HOOK2: variants seen among roughly 807,000 people sequenced by gnomAD.
HOOK2 encodes protein Hook homolog 2.
In HOOK2, 108 loss-of-function variants were observed where a neutral mutation model predicts 111.9. That is an observed-to-expected ratio of 0.96 (90% CI 0.83 to 1.13). The LOEUF (loss-of-function observed/expected upper bound fraction) is 1.13, where lower values mean the gene tolerates loss of function less well. HOOK2 is among the 50% of genes most tolerant of loss of function. The probability of loss-of-function intolerance (pLI) is 0.00; values close to 1 mark genes in which losing one functional copy is unlikely to be tolerated. For missense variants in HOOK2, 978 were observed against 951.3 expected (o/e 1.03, Z -0.37); for synonymous variants, 405 against 394.3 (o/e 1.03, Z -0.32).
chr19:12,769,814 G>A (rs1486956379), intron 11 of HOOK2, 67 bp downstream of exon 11: 11 of 1,288,606 alleles, frequency 8.5e-6, no homozygotes, highest in East Asian at 3.2e-5. Flanking sequence ...TGGGCGGAGG[G>A]CTGGCCAACG....
In HOOK2 at chr19:12,791,821, C is replaced by G. The variant is rs1232120106; in HGVS notation, n.42-17596G>C. 1 of 1,613,542 alleles carries G rather than the reference C, an allele frequency of 6.2e-7. No homozygotes were observed. The highest frequency in any genetic ancestry group is 1.3e-5 in the African/African-American group (1 of 74,920). The stretch of plus-strand genomic sequence containing the variant: ...TTCTACCACGACGACTCATACACAG[C>G]TACGGGATACGGCCGGGCCCCTGGT... On this transcript the variant is annotated intron_variant and non_coding_transcript_variant, in intron 3 of 3. Transcript: ENST00000589765. This position sits in a 1 kb window ranked among gnomAD's most constrained non-coding sequence, Gnocchi z 7.0.
intron 3 of HOOK2, among the ~76,000 whole-genome samples, chr19:12,784,326 AC>A (rs998568485): frequency 6.6e-6 from 1 of 152,104 alleles, no homozygotes; most frequent in African/African-American, 2.4e-5. Context: ...AGCCAGGGAC[AC>A]ACAGACAGGG....
rs1187684618 is a variant in HOOK2 at position 12,791,198 on chromosome 19, C to T, written n.42-16973G>A. On this transcript the variant is annotated intron_variant and non_coding_transcript_variant, in intron 3 of 3. Coordinates refer to the HOOK2 transcript ENST00000589765. This position sits in a 1 kb window ranked among gnomAD's most constrained non-coding sequence, Gnocchi z 7.0. ...TCCCAGTGGACTCCAGGGAAATCAT[C>T]CTCCTCCCTGAAACCCCTCACTCAT... Among the ~76,000 whole-genome samples the T allele has an allele frequency of 1.3e-5, 2 of 152,188 alleles. No individual in the cohort carries two copies. Among genetic ancestry groups the T allele is most frequent in the Non-Finnish European group, 1.5e-5 (1 of 68,022 alleles).
intron 3 of HOOK2, among the ~76,000 whole-genome samples, chr19:12,785,925 G>A (rs1343584745): frequency 6.6e-6 from 1 of 152,138 alleles, no homozygotes; most frequent in Non-Finnish European, 1.5e-5. Context: ...GCTGGGGTGG[G>A]GGCCTGCTAT....
chr19:12,777,438 C>G (rs1968549099), upstream of HOOK2, among the ~76,000 whole-genome samples: 1 of 152,212 alleles, frequency 6.6e-6, no homozygotes, highest in African/African-American at 2.4e-5. Flanking sequence ...CGTGGTCGCG[C>G]CACTGCACTC....
At chr19:12,770,663 G>A (rs530429591) in intron 10 of HOOK2, among the ~76,000 whole-genome samples, 1 of 135,682 alleles carries the variant, frequency 7.4e-6, no homozygotes, top group African/African-American at 2.7e-5. Flanking sequence ...GTTTTGGGGG[G>A]CCACAGGGAT....
chr19:12,787,975 A>G (rs1428402198), intron 3 of HOOK2, among the ~76,000 whole-genome samples: 3 of 152,150 alleles, frequency 2.0e-5, no homozygotes, highest in East Asian at 3.8e-4. Context: ...GAATCGCTTG[A>G]ACCCAGGAGG....
chr19:12,784,322 G>A lies in HOOK2; in HGVS notation n.42-10097C>T, dbSNP rs374623066. On this transcript the variant is annotated intron_variant and non_coding_transcript_variant, in intron 3 of 3. Transcript: ENST00000589765. ...TGGCCACAGAGAGACTGCCAGCCAG[G>A]GACACACAGACAGGGTCAGACATAC... Among the ~76,000 whole-genome samples, 24 of 152,002 alleles carry A rather than the reference G, an allele frequency of 1.6e-4. No homozygotes were observed. In the East Asian group the frequency reaches 4.1e-3, roughly 26 times the overall value.
upstream of HOOK2, among the ~76,000 whole-genome samples, chr19:12,781,540 A>G (rs187968705): frequency 1.4e-3 from 216 of 151,808 alleles, 1 homozygote; most frequent in Non-Finnish European, 2.2e-3. Context: ...GTTAGCCAGG[A>G]TGGTCTCGAT....
In HOOK2 at chr19:12,786,708, C is replaced by G. The variant is rs2607355; in HGVS notation, n.42-12483G>C. On this transcript the variant is annotated intron_variant and non_coding_transcript_variant, in intron 3 of 3. Transcript: ENST00000589765. The surrounding 1 kb of genome is among the most constrained non-coding windows in gnomAD (Gnocchi z 4.3). ...GACACTGGCAGAGGCCTGGAACCGG[C>G]TGTACCAGCTTGGCTGGGCCCCCGC... Among the ~76,000 whole-genome samples, 1 of 152,222 alleles carries G rather than the reference C, an allele frequency of 6.6e-6. No homozygotes were observed. The highest frequency in any genetic ancestry group is 2.4e-5 in the African/African-American group (1 of 41,464).
rs769579474 is a variant in HOOK2 at position 12,768,079 on chromosome 19, G to C, written c.1149C>G (p.Ala383=). ...QGQRQEEAMK[A]EKWLFECRNL... is the part of the protein sequence containing the mutation. ...TGCGGCATTCAAATAGCCATTTCTC[G>C]GCCTTCATGGCCTCCTCCTGCCGCT... is the stretch of plus-strand genomic sequence containing the variant. Residue 383 remains alanine, a synonymous_variant, in exon 12 of 23, where the codon GCC becomes GCG. Transcript: ENST00000397668. 6.2e-7 allele frequency: 1 copy of C among 1,614,194 alleles called. No homozygotes were observed. The highest frequency in any genetic ancestry group is 8.5e-7 in the Non-Finnish European group (1 of 1,180,044).
At chr19:12,770,821 G>C in intron 10 of HOOK2, 111 bp downstream of exon 10, 1 of 1,347,370 alleles carries the variant, frequency 7.4e-7, no homozygotes, top group Non-Finnish European at 1.0e-6. Flanking sequence ...GCATATTGGG[G>C]GTTCACTGGG....
Position 12,764,904 on chromosome 19 carries a change from G to A in HOOK2, c.1737C>T (p.Ile579=), listed in dbSNP as rs1568359549. The change falls in exon 20 of 23, where the codon ATC becomes ATT. Residue 579 remains isoleucine (I), a synonymous_variant. Transcript: ENST00000397668. ...PPTDSSTARR[I]EELQHNLQKK... is the part of the protein sequence containing the mutation. ...TCTGCAAGTTATGCTGCAGCTCCTC[G>A]ATCCGCCGGGCTGCTGGCGGAAGAG... 11 of 1,614,028 alleles carry A rather than the reference G, an allele frequency of 6.8e-6. No homozygotes were observed. The highest frequency in any genetic ancestry group is 1.1e-5 in the South Asian group (1 of 91,080).
upstream of HOOK2, among the ~76,000 whole-genome samples, chr19:12,779,780 G>C (rs1475916693): frequency 1.3e-5 from 2 of 152,074 alleles, no homozygotes; most frequent in East Asian, 1.9e-4. Flanking sequence ...CTGATTTGAT[G>C]GGGGGGAGGG....
chr19:12,783,337 A>AC (rs1449131523), upstream of HOOK2, among the ~76,000 whole-genome samples: 4 of 96,790 alleles, frequency 4.1e-5, no homozygotes, highest in East Asian at 3.3e-4. Context: ...GAATTGGTAG[A>AC]CCCCCCACCC....
chr19:12,766,331 G>A (rs1968145784), intron 14 of HOOK2, 91 bp from the exon 15 acceptor site: 15 of 1,408,026 alleles, frequency 1.1e-5, no homozygotes, highest in Non-Finnish European at 1.4e-5. Context: ...GGGCGGGACA[G>A]AGCCCTGGGG....
chr19:12,765,599 A>G, intron 18 of HOOK2, 91 bp downstream of exon 18: 2 of 1,513,176 alleles, frequency 1.3e-6, no homozygotes, highest in Middle Eastern at 1.7e-4. Flanking sequence ...AATATAAAAA[A>G]TCAGCCAGGC....
chr19:12,772,485 G>T, intron 6 of HOOK2, 128 bp downstream of exon 6: 1 of 1,102,368 alleles, frequency 9.1e-7, no homozygotes, highest in Non-Finnish European at 1.3e-6. Context: ...AGACAGAGAT[G>T]TCTGGCCAGC....
intron 3 of HOOK2, among the ~76,000 whole-genome samples, chr19:12,773,410 GACT>G (rs1968397177): frequency 6.6e-6 from 1 of 151,538 alleles, no homozygotes; most frequent in Non-Finnish European, 1.5e-5. Context: ...CACCACAATC[GACT>G]ACTTTTTTTT....
Sources: gnomAD v4.1 joint callset for allele counts (sites outside exome capture counted in the v4.1 genomes callset) on GRCh38, gnomAD v4.1.1 for gene constraint, Gnocchi (gnomAD v3.1) non-coding constraint, MANE v1.5 for transcripts, NCBI Gene and HGNC (gene_info 2026-07-23, HGNC 2026-07-21) for gene names.